ATP6V0A2: variants seen among roughly 807,000 people sequenced by gnomAD.
ATP6V0A2 encodes the protein ATPase H+ transporting V0 subunit a2.
Under a neutral mutation model 104.4 loss-of-function variants are expected in ATP6V0A2, and 58 were observed. That is an observed-to-expected ratio of 0.56 (90% CI 0.45 to 0.69). The LOEUF is 0.69. Among genes scored for constraint, ATP6V0A2 ranks in the 30% least tolerant of loss-of-function variants. ATP6V0A2 has a pLI of 0.00. For synonymous variants in ATP6V0A2, 376 were observed against 397.9 expected (o/e 0.95, Z 0.65); for missense variants, 938 against 1,062.9 (o/e 0.88, Z 1.63).
chr12:123,716,178 T>G (rs747944223), intron 1 of ATP6V0A2, among the ~76,000 whole-genome samples: 3 of 152,004 alleles, frequency 2.0e-5, no homozygotes, highest in African/African-American at 4.8e-5. Context: ...GTGATTCTCA[T>G]GCCTCAGCCT....
chr12:123,747,815 G>A (rs1348835242), intron 14 of ATP6V0A2, 90 bp downstream of exon 14: 6 of 806,736 alleles, frequency 7.4e-6, no homozygotes, highest in Non-Finnish European at 1.3e-5. Context: ...TATTTATTGG[G>A]TAAGGGGCAG....
At position 123,744,379 on chromosome 12, in the gene ATP6V0A2, G is replaced by A; in HGVS notation, c.1326+42G>A. 1 of 1,613,346 alleles carries A rather than the reference G, an allele frequency of 6.2e-7. No individual in the cohort carries two copies. The highest frequency in any genetic ancestry group is 2.2e-5 in the East Asian group (1 of 44,888). ...TCCAGCTCATATATCTGGTTAGGTG[G>A]CATTAGCAGTGACCGAAAGAGAGAC... On this transcript the variant is annotated intron_variant, in intron 11 of 19. Transcript: ENST00000330342. This position sits in a 1 kb window ranked among gnomAD's most constrained non-coding sequence, Gnocchi z 5.4.
Position 123,759,357 on chromosome 12 carries a change from G to C in ATP6V0A2, c.*1325G>C, listed in dbSNP as rs1005836588. On this transcript the variant is annotated 3_prime_UTR_variant, in exon 20 of 20. Coordinates refer to ENST00000330342, the MANE Select transcript of ATP6V0A2 (RefSeq NM_012463.4). ...TAGCTAAAGTTCTGATAAAAGTATT[G>C]AGTTAATTTAAACTTTCAAACACTG... is the stretch of plus-strand genomic sequence containing the variant. The C allele has an allele frequency of 2.6e-5, 4 of 152,064 alleles. No homozygotes were observed. The highest frequency in any genetic ancestry group is 9.7e-5 in the African/African-American group (4 of 41,400). 9.4% of individuals were successfully genotyped at this position (152,064 alleles called of 1,614,324 possible).
At chr12:123,727,959 G>A (rs1956464197) in intron 6 of ATP6V0A2, 50 bp downstream of exon 6, 5 of 1,612,662 alleles carry the variant, frequency 3.1e-6, no homozygotes, top group African/African-American at 2.7e-5. Context: ...TAACAGCAGA[G>A]TTGGAGATAT....
intron 9 of ATP6V0A2, among the ~76,000 whole-genome samples, chr12:123,743,089 T>TTTAA (rs918017199): frequency 2.0e-5 from 3 of 152,160 alleles, no homozygotes; most frequent in Non-Finnish European, 4.4e-5. Context: ...TCTTCACCGT[T>TTTAA]TTTAAGAGAT....
intron 2 of ATP6V0A2, chr12:123,721,662 G>GC: frequency 9.7e-6 from 2 of 205,714 alleles, no homozygotes; most frequent in Non-Finnish European, 1.0e-5. Flanking sequence ...CCTGACACTT[G>GC]CCCCCCAGGC....
chr12:123,717,527 C>T (rs1245692987), intron 1 of ATP6V0A2, among the ~76,000 whole-genome samples: 1 of 150,562 alleles, frequency 6.6e-6, no homozygotes, highest in Non-Finnish European at 1.5e-5. Context: ...TCACTGCAAT[C>T]TCGATCTCCT....
intron 9 of ATP6V0A2, among the ~76,000 whole-genome samples, chr12:123,742,177 A>G (rs1302210504): frequency 6.6e-6 from 1 of 152,000 alleles, no homozygotes; most frequent in East Asian, 1.9e-4. Flanking sequence ...GCCGTCGCCT[A>G]CTCTTGGACT....
At chr12:123,724,813 A>G in intron 4 of ATP6V0A2, 22 bp downstream of exon 4, 1 of 1,609,544 alleles carries the variant, frequency 6.2e-7, no homozygotes, top group Non-Finnish European at 8.5e-7. Flanking sequence ...CTCGTGAGGA[A>G]ATACAGCTGT....
At chr12:123,715,057 G>C (rs1956327276) in intron 1 of ATP6V0A2, among the ~76,000 whole-genome samples, 1 of 152,144 alleles carries the variant, frequency 6.6e-6, no homozygotes, top group South Asian at 2.1e-4. Flanking sequence ...ACTCCAGCCT[G>C]GCAACAGAGC....
intron 1 of ATP6V0A2, among the ~76,000 whole-genome samples, chr12:123,716,313 C>T (rs527252964): frequency 3.0e-4 from 45 of 152,264 alleles, no homozygotes; most frequent in African/African-American, 6.7e-4. Context: ...GTCATCCCCC[C>T]ACCTTGGCCC....
Position 123,744,938 on chromosome 12 carries a change from T to G in ATP6V0A2, c.1571T>G (p.Val524Gly). 1 of 1,614,118 alleles carries G rather than the reference T, an allele frequency of 6.2e-7. No homozygotes were observed. Among genetic ancestry groups the G allele is most frequent in the South Asian group, 1.1e-5 (1 of 91,082 alleles). The change falls in exon 13 of 20, where the codon GTG becomes GGG. Residue 524 changes from valine to glycine, a missense_variant. Transcript: ENST00000330342. This position sits in a 1 kb window ranked among gnomAD's most constrained non-coding sequence, Gnocchi z 5.4. ...ILQLDPSIPG[V>G]FRGPYPLGID... ...CAGCTGGATCCAAGCATTCCTGGAG[T>G]GTTCCGAGGCCCTTATCCCCTTGGC...
At chr12:123,713,074 A>C (rs1042506942) in intron 1 of ATP6V0A2, among the ~76,000 whole-genome samples, 1 of 152,014 alleles carries the variant, frequency 6.6e-6, no homozygotes, top group Admixed American at 6.6e-5. Context: ...ATAAAGAAGA[A>C]ACGGGGTGAT....
chr12:123,727,635 T>G (rs1289281023), intron 5 of ATP6V0A2, 148 bp from the exon 6 acceptor site: 1 of 933,470 alleles, frequency 1.1e-6, no homozygotes, highest in East Asian at 2.4e-5. Flanking sequence ...TCAAAAATAT[T>G]CTGACCAGCA....
chr12:123,745,456 C>T (rs908029470), intron 13 of ATP6V0A2, among the ~76,000 whole-genome samples: 1 of 152,040 alleles, frequency 6.6e-6, no homozygotes, highest in Non-Finnish European at 1.5e-5. Context: ...CCTGTAATTC[C>T]AGCACTTTGG....
chr12:123,727,677 G>C lies in ATP6V0A2; in HGVS notation c.522-106G>C, dbSNP rs755616842. ...ATGTTTTGCAGTTGGAGGGCTCTCA[G>C]GATGTCTTCACCACTTGGTAGAAAT... On this transcript the variant is annotated intron_variant, in intron 5 of 19. Coordinates refer to ENST00000330342, the MANE Select transcript of ATP6V0A2 (RefSeq NM_012463.4). 607 of 1,407,252 alleles carry C rather than the reference G, an allele frequency of 4.3e-4. 1 individual carries two copies. Among genetic ancestry groups the C allele is most frequent in the Non-Finnish European group, 5.8e-4 (584 of 1,001,322 alleles). The allele number at this position is 1,407,252 out of a possible 1,614,324, so 87.2% of individuals were successfully genotyped here.
intron 1 of ATP6V0A2, 150 bp downstream of exon 1, chr12:123,712,832 G>A (rs904090338): frequency 2.3e-5 from 18 of 778,958 alleles, no homozygotes; most frequent in Non-Finnish European, 3.8e-5. Flanking sequence ...CAGCTCAGCG[G>A]CCAAAGCTTC....
intron 7 of ATP6V0A2, among the ~76,000 whole-genome samples, chr12:123,735,129 C>T (rs1374513434): frequency 1.4e-5 from 2 of 139,678 alleles, no homozygotes; most frequent in African/African-American, 5.4e-5. Flanking sequence ...GAGCTCTTTT[C>T]TCCTTTTGTT....
In ATP6V0A2 at chr12:123,722,434, G is replaced by T; in HGVS notation, c.280G>T (p.Val94Phe). 1 of 1,609,000 alleles carries T rather than the reference G, an allele frequency of 6.2e-7. No individual in the cohort carries two copies. The highest frequency in any genetic ancestry group is 8.5e-7 in the Non-Finnish European group (1 of 1,175,324). ...CCCTCCTGCGCCACCCCTGAAACAGGTTCTAGAAATGCAGGTAACTTGCTT... is the reference window on the plus strand; with the variant it reads ...CCCTCCTGCGCCACCCCTGAAACAGTTTCTAGAAATGCAGGTAACTTGCTT... ...ASPPAPPLKQ[V>F]LEMQEQLQKL... The change falls in exon 3 of 20, where the codon GTT becomes TTT. Residue 94 changes from valine (V) to phenylalanine (F), a missense_variant. By Grantham distance (50) the Val-to-Phe change is conservative. Coordinates refer to ENST00000330342, the MANE Select transcript of ATP6V0A2 (RefSeq NM_012463.4).
Sources: gnomAD v4.1 joint callset for allele counts (sites outside exome capture counted in the v4.1 genomes callset) on GRCh38, gnomAD v4.1.1 for gene constraint, Gnocchi (gnomAD v3.1) non-coding constraint, MANE v1.5 for transcripts, NCBI Gene and HGNC (gene_info 2026-07-23, HGNC 2026-07-21) for gene names.